The following ADAM33 variants were observed in gnomAD, a reference collection of about 807,000 sequenced individuals.
ADAM33 encodes the protein disintegrin and metalloproteinase domain-containing protein 33.
ADAM33 carries 103 observed loss-of-function variants against 106.2 expected under a neutral mutation model. The observed-to-expected ratio is 0.97, with a 90% confidence interval of 0.83 to 1.14. The LOEUF is 1.14. Among genes scored for constraint, ADAM33 ranks in the 50% most tolerant of loss-of-function variants. The pLI, the probability that ADAM33 is intolerant of heterozygous loss-of-function variation, is 0.00. For synonymous variants in ADAM33, 483 were observed against 453.0 expected (o/e 1.07, Z -0.84); for missense variants, 1,120 against 1,096.6 (o/e 1.02, Z -0.30).
At position 3,671,150 on chromosome 20, in the gene ADAM33, T is replaced by C; in HGVS notation, c.2096A>G (p.His699Arg). 1 of 1,612,914 alleles carries C rather than the reference T, an allele frequency of 6.2e-7. No individual in the cohort carries two copies. Among genetic ancestry groups the C allele is most frequent in the Non-Finnish European group, 8.5e-7 (1 of 1,179,584 alleles). The change falls in exon 19 of 22, where the codon CAT becomes CGT. Residue 699 changes from histidine (H) to arginine (R), a missense_variant. His to Arg is a conservative substitution (Grantham distance 29). Coordinates refer to ENST00000356518, the MANE Select transcript of ADAM33 (RefSeq NM_025220.5). ...GAGCATGGCCAGCAGGAAGGTGTCA[T>C]GGTCTGCGGGGATTGGGGGAAGGGG... ...MDSGPVQAENHDTFLLAMLLS... is the reference protein window; with the variant it reads ...MDSGPVQAENRDTFLLAMLLS...
intron 1 of ADAM33, 73 bp downstream of exon 1, chr20:3,681,835 G>A (rs2088526757): frequency 1.9e-6 from 3 of 1,544,458 alleles, no homozygotes. Context: ...CCCGAGCTCT[G>A]AGCAGAACCC....
chr20:3,679,378 A>G (rs573499185), intron 2 of ADAM33, 114 bp downstream of exon 2: 2 of 1,067,788 alleles, frequency 1.9e-6, no homozygotes, highest in Non-Finnish European at 2.8e-6. Context: ...CTATAGGAGT[A>G]GTGACTTGGT....
In ADAM33 at chr20:3,675,228, T is replaced by C; in HGVS notation, c.255-123A>G. ...TTATGAGTGAGACACTCACAGTGTG[T>C]CTTAGGGAAGGGACAGGAGCAATGG... On this transcript the variant is annotated intron_variant, in intron 3 of 21. Coordinates refer to ENST00000356518, the MANE Select transcript of ADAM33 (RefSeq NM_025220.5). The surrounding 1 kb of genome is among the most constrained non-coding windows in gnomAD (Gnocchi z 4.1). The C allele has an allele frequency of 1.4e-6, 1 of 726,484 alleles. No individual in the cohort carries two copies. Among genetic ancestry groups the C allele is most frequent in the South Asian group, 1.7e-5 (1 of 57,624 alleles). The allele number at this position is 726,484 out of a possible 1,614,324, so 45.0% of individuals were successfully genotyped here. A position where few individuals can be genotyped will look rare whatever the true frequency, so the allele number is the denominator to read the frequency against.
At position 3,679,505 on chromosome 20, in the gene ADAM33, C is replaced by T; in HGVS notation, c.164G>A (p.Ser55Asn). 6.2e-7 allele frequency: 1 copy of T among 1,608,888 alleles called. No individual in the cohort carries two copies. Among genetic ancestry groups the T allele is most frequent in the South Asian group, 1.1e-5 (1 of 89,802 alleles). Reference sequence around the variant, plus strand: ...CATGGCACTGACCGGCTCCTCCAGGCTGACGGTGCGCCAGGGTTGTCCATC... The same window carrying T: ...CATGGCACTGACCGGCTCCTCCAGGTTGACGGTGCGCCAGGGTTGTCCATC... Reference protein sequence around the residue: ...VLDGQPWRTVSLEEPVSKPDM... With the variant: ...VLDGQPWRTVNLEEPVSKPDM... The change falls in exon 2 of 22, where the codon AGC (serine) becomes AAC (asparagine). Residue 55 changes from serine to asparagine, a missense_variant. By Grantham distance (46) the Ser-to-Asn change is conservative. Coordinates refer to ENST00000356518, the MANE Select transcript of ADAM33 (RefSeq NM_025220.5).
intron 19 of ADAM33, chr20:3,669,863 C>T: frequency 1.6e-6 from 1 of 639,066 alleles, no homozygotes; most frequent in South Asian, 1.8e-5. Context: ...CACCTCCTCT[C>T]TCTAGTCCTA....
In ADAM33 at chr20:3,668,328, TCCCTC is replaced by T. The variant is rs1458120162; in HGVS notation, c.*630_*634del. On this transcript the variant is annotated 3_prime_UTR_variant, in exon 22 of 22. Coordinates refer to ENST00000356518, the MANE Select transcript of ADAM33 (RefSeq NM_025220.5). ...ACTTTGGTATCTTTTCTTAAATGGT[TCCCTC>T]TGTCCCCCCGACACACACAGAATGG... is the stretch of plus-strand genomic sequence containing the variant. 6.5e-6 allele frequency: 1 copy of T among 153,012 alleles called. No homozygotes were observed. The highest frequency in any genetic ancestry group is 1.5e-5 in the Non-Finnish European group (1 of 68,612). 9.5% of individuals were successfully genotyped at this position (153,012 alleles called of 1,614,324 possible). A position where few individuals can be genotyped will look rare whatever the true frequency, so the allele number is the denominator to read the frequency against.
Position 3,671,681 on chromosome 20 carries a change from T to C in ADAM33, c.1805A>G (p.Gln602Arg). 6.3e-7 allele frequency: 1 copy of C among 1,586,348 alleles called. No individual in the cohort carries two copies. Among genetic ancestry groups the C allele is most frequent in the Admixed American group, 1.8e-5 (1 of 56,374 alleles). Residue 602 changes from glutamine (Q) to arginine (R), a missense_variant, in exon 16 of 22, where the codon CAG becomes CGG. Gln to Arg is a conservative substitution (Grantham distance 43). Coordinates refer to ENST00000356518, the MANE Select transcript of ADAM33 (RefSeq NM_025220.5). ...CAAGGCTCCCCGACAAGTCACTTCCTGGCCATCTAGGTGAACGGTAGAGTC... is the reference window on the plus strand; with the variant it reads ...CAAGGCTCCCCGACAAGTCACTTCCCGGCCATCTAGGTGAACGGTAGAGTC... ...PVDSTVHLDG[Q>R]EVTCRGALAL...
Position 3,671,466 on chromosome 20 carries a change from C to T in ADAM33, c.1936G>A (p.Ala646Thr). ...AGGCAGCGCTGAAGCTCCTGGAAGG[C>T]ATTCTTCCTGCAGCGCCTGCTCTGG... Reference protein sequence around the residue: ...VCQSRRCRKNAFQELQRCLTA... With the variant: ...VCQSRRCRKNTFQELQRCLTA... Residue 646 changes from alanine to threonine, a missense_variant, in exon 17 of 22, where the codon GCC becomes ACC. Ala to Thr is a moderately conservative substitution (Grantham distance 58). Transcript: ENST00000356518. The T allele has an allele frequency of 6.2e-7, 1 of 1,611,782 alleles. No individual in the cohort carries two copies. Among genetic ancestry groups the T allele is most frequent in the Non-Finnish European group, 8.5e-7 (1 of 1,178,814 alleles).
Position 3,668,934 on chromosome 20 carries a change from T to C in ADAM33, c.*29A>G, listed in dbSNP as rs2087348227. 1 of 1,613,198 alleles carries C rather than the reference T, an allele frequency of 6.2e-7. No individual in the cohort carries two copies. Among genetic ancestry groups the C allele is most frequent in the Admixed American group, 1.7e-5 (1 of 60,016 alleles). ...AGTGGCTGTCAGTGGCCACCTGTCT[T>C]TAAATCTGTTCATTTTAGGAGCTAC... On this transcript the variant is annotated 3_prime_UTR_variant, in exon 22 of 22. Transcript: ENST00000356518.
At chr20:3,680,347 T>C (rs563713196) in intron 1 of ADAM33, among the ~76,000 whole-genome samples, 2 of 152,152 alleles carry the variant, frequency 1.3e-5, no homozygotes, top group Admixed American at 1.3e-4. Flanking sequence ...CTTCCCCCGG[T>C]ACCCAGTCCC....
rs527270111 is a variant in ADAM33, at chr20:3,673,745, G to A, written c.905C>T (p.Thr302Met). ...QRPHDSAQLLTGRAFQGATVG... is the reference protein window; with the variant it reads ...QRPHDSAQLLMGRAFQGATVG... ...CCGCGTCCGGGTCAGAGGCACCCAC[G>A]TGAGCAGCTGCGCGGAGTCGTGGGG... Residue 302 changes from threonine to methionine, a missense_variant and splice_region_variant, in exon 9 of 22, where the codon ACG (threonine) becomes ATG (methionine). Physicochemically the swap from Thr to Met is moderately conservative, Grantham distance 81 (BLOSUM62 -1). Coordinates refer to ENST00000356518, the MANE Select transcript of ADAM33 (RefSeq NM_025220.5). 2 of 1,499,196 alleles carry A rather than the reference G, an allele frequency of 1.3e-6. No individual in the cohort carries two copies. The highest frequency in any genetic ancestry group is 8.9e-7 in the Non-Finnish European group (1 of 1,128,852). The allele number at this position is 1,499,196 out of a possible 1,614,324, so 92.9% of individuals were successfully genotyped here.
Position 3,671,141 on chromosome 20 carries a change from A to C in ADAM33, c.2105T>G (p.Phe702Cys), listed in dbSNP as rs1371141524. The change falls in exon 19 of 22, where the codon TTC (phenylalanine) becomes TGC (cysteine). Residue 702 changes from phenylalanine to cysteine, a missense_variant. Transcript: ENST00000356518. ...GPVQAENHDTFLLAMLLSVLL... is the reference protein window; with the variant it reads ...GPVQAENHDTCLLAMLLSVLL... The stretch of plus-strand genomic sequence containing the variant: ...GACGCTGAGGAGCATGGCCAGCAGG[A>C]AGGTGTCATGGTCTGCGGGGATTGG... 9 of 1,612,408 alleles carry C rather than the reference A, an allele frequency of 5.6e-6. No individual in the cohort carries two copies. The highest frequency in any genetic ancestry group is 1.3e-5 in the African/African-American group (1 of 74,918).
At position 3,672,337 on chromosome 20, in the gene ADAM33, G is replaced by T; in HGVS notation, c.1402-8C>A. 2 of 1,594,372 alleles carry T rather than the reference G, an allele frequency of 1.3e-6. No individual in the cohort carries two copies. Among genetic ancestry groups the T allele is most frequent in the Non-Finnish European group, 1.7e-6 (2 of 1,175,500 alleles). ...CGCTCCAGCCGGCTTCAGCTGCGCA[G>T]GTGACGGGTGGTGGGGAAGGCAGAG... is the stretch of plus-strand genomic sequence containing the variant. On this transcript the variant is annotated splice_region_variant and splice_polypyrimidine_tract_variant and intron_variant, in intron 13 of 21. Transcript: ENST00000356518.
At position 3,681,936 on chromosome 20, in the gene ADAM33, C is replaced by T. The variant is rs2088537667; in HGVS notation, c.69G>A (p.Trp23Ter). ...LLLLLLLLLL[W>*]PVPGAGVLQG... ...GAAGCACCCCGGCGCCTGGCACTGG[C>T]CAGAGCAGCAGCAGTAGTAGCAGCA... is the stretch of plus-strand genomic sequence containing the variant. Residue 23 changes from tryptophan (W) to a stop codon, truncating the protein, a stop_gained, in exon 1 of 22, where the codon TGG becomes TGA. Transcript: ENST00000356518. LOFTEE classifies it high-confidence loss of function. 2 of 1,580,170 alleles carry T rather than the reference C, an allele frequency of 1.3e-6. No individual in the cohort carries two copies. The highest frequency in any genetic ancestry group is 2.4e-5 in the East Asian group (1 of 42,078).
rs192256635 is a variant in ADAM33 at position 3,675,435 on chromosome 20, G to T, written c.255-330C>A. Among the ~76,000 whole-genome samples, 2 of 152,246 alleles carry T rather than the reference G, an allele frequency of 1.3e-5. No individual in the cohort carries two copies. The highest frequency in any genetic ancestry group is 2.9e-5 in the Non-Finnish European group (2 of 68,000). On this transcript the variant is annotated intron_variant, in intron 3 of 21. Coordinates refer to ENST00000356518, the MANE Select transcript of ADAM33 (RefSeq NM_025220.5). The surrounding 1 kb of genome is among the most constrained non-coding windows in gnomAD (Gnocchi z 4.1). ...AGCAGGATCCACAGGATCGGGAGGGGAGGAGTCAGGAGACACTGCCGAAGA... is the reference window on the plus strand; with the variant it reads ...AGCAGGATCCACAGGATCGGGAGGGTAGGAGTCAGGAGACACTGCCGAAGA...
intron 8 of ADAM33, 35 bp downstream of exon 8, chr20:3,674,029 A>AC: frequency 6.2e-7 from 1 of 1,612,586 alleles, no homozygotes; most frequent in Non-Finnish European, 8.5e-7. Context: ...TGCCGCCGCC[A>AC]CCCCCATCAC....
intron 1 of ADAM33, 64 bp from the exon 2 acceptor site, chr20:3,679,635 A>G: frequency 6.9e-7 from 1 of 1,452,962 alleles, no homozygotes; most frequent in Non-Finnish European, 9.5e-7. Context: ...GGGACAAAGC[A>G]GAGGGAGGGG....
chr20:3,678,642 G>T (rs2088180981), intron 2 of ADAM33, among the ~76,000 whole-genome samples: 1 of 152,166 alleles, frequency 6.6e-6, no homozygotes, highest in Non-Finnish European at 1.5e-5. Flanking sequence ...TTGGACAGTA[G>T]GGCTGAAAAT....
Position 3,681,966 on chromosome 20 carries a change from C to T in ADAM33, c.39G>A (p.Leu13=). 1.3e-6 allele frequency: 2 copies of T among 1,552,756 alleles called. No homozygotes were observed. The highest frequency in any genetic ancestry group is 1.7e-6 in the Non-Finnish European group (2 of 1,149,788). ...WRPRRARGTP[L]LLLLLLLLLW... is the part of the protein sequence containing the mutation. ...GCAGCAGCAGTAGTAGCAGCAGCAG[C>T]AACGGGGTCCCCCGAGCTCTCCGGG... The change falls in exon 1 of 22, where the codon TTG becomes TTA. Residue 13 remains leucine (L), a synonymous_variant. Coordinates refer to ENST00000356518, the MANE Select transcript of ADAM33 (RefSeq NM_025220.5).
Sources: gnomAD v4.1 joint callset for allele counts (sites outside exome capture counted in the v4.1 genomes callset) on GRCh38, gnomAD v4.1.1 for gene constraint, Gnocchi (gnomAD v3.1) non-coding constraint, MANE v1.5 for transcripts, NCBI Gene and HGNC (gene_info 2026-07-23, HGNC 2026-07-21) for gene names.